CD1C: variants seen among roughly 807,000 people sequenced by gnomAD.
The protein encoded by CD1C is T-cell surface glycoprotein CD1c.
Under a neutral mutation model 39.4 loss-of-function variants are expected in CD1C, and 47 were observed. The observed-to-expected ratio is 1.19, with a 90% CI of 0.94 to 1.52. The LOEUF (loss-of-function observed/expected upper bound fraction) is 1.52. Ranked by LOEUF, CD1C falls within the 40% of genes most tolerant of loss-of-function variation. The probability of loss-of-function intolerance (pLI) is 0.00; values close to 1 mark genes in which losing one functional copy is unlikely to be tolerated. For missense variants in CD1C, 417 were observed against 395.2 expected (o/e 1.06, Z -0.47); for synonymous variants, 165 against 150.8 (o/e 1.09, Z -0.69).
rs1171564537 is a variant in CD1C, at chr1:158,293,491, A to T, written c.*15A>T. On this transcript the variant is annotated 3_prime_UTR_variant, in exon 6 of 6. Coordinates refer to ENST00000368170, the MANE Select transcript of CD1C (RefSeq NM_001765.3). ...ACATCCTGTGAGACTCTTCCCCCTGACTCCCCCATTGTGTTAAGAACCCAG... is the reference window on the plus strand; with the variant it reads ...ACATCCTGTGAGACTCTTCCCCCTGTCTCCCCCATTGTGTTAAGAACCCAG... 1 of 1,612,906 alleles carries T rather than the reference A, an allele frequency of 6.2e-7. No individual in the cohort carries two copies. The highest frequency in any genetic ancestry group is 1.7e-5 in the Admixed American group (1 of 59,810).
Position 158,292,817 on chromosome 1 carries a change from C to T in CD1C, c.832C>T (p.Leu278=). 1 of 1,614,172 alleles carries T rather than the reference C, an allele frequency of 6.2e-7. No individual in the cohort carries two copies. The highest frequency in any genetic ancestry group is 1.1e-5 in the South Asian group (1 of 91,084). The change falls in exon 4 of 6, where the codon CTG becomes TTG. Residue 278 remains leucine (L), a synonymous_variant. Transcript: ENST00000368170. ...GGTGGCATCTGAGGAGCCTGCTGGCCTGTCTTGTCGAGTGAGACACAGCAG... is the reference window on the plus strand; with the variant it reads ...GGTGGCATCTGAGGAGCCTGCTGGCTTGTCTTGTCGAGTGAGACACAGCAG... ...LEVASEEPAG[L]SCRVRHSSLG...
chr1:158,293,363 T>TC (rs773953735), intron 5 of CD1C, 61 bp downstream of exon 5: 147 of 1,593,526 alleles, frequency 9.2e-5, no homozygotes, highest in Non-Finnish European at 1.2e-4. Flanking sequence ...CATTTTTCAC[T>TC]CTCTTAGCTT....
Position 158,293,410 on chromosome 1 carries a change from A to T in CD1C, c.981-45A>T, listed in dbSNP as rs1157887600. On this transcript the variant is annotated intron_variant, in intron 5 of 5. Coordinates refer to ENST00000368170, the MANE Select transcript of CD1C (RefSeq NM_001765.3). ...CTACTCCACCTTATCCTCAGTTACCACCTCCAACTTATTCAGGGTTTCTCC... is the reference window on the plus strand; with the variant it reads ...CTACTCCACCTTATCCTCAGTTACCTCCTCCAACTTATTCAGGGTTTCTCC... The T allele has an allele frequency of 2.5e-6, 4 of 1,608,166 alleles. No homozygotes were observed. The Admixed American group carries it at 5.0e-5, about 20-fold the overall frequency.
At position 158,292,129 on chromosome 1, in the gene CD1C, G is replaced by A. The variant is rs1005150918; in HGVS notation, c.374G>A (p.Gly125Glu). Residue 125 changes from glycine to glutamate, a missense_variant, in exon 3 of 6, where the codon GGA becomes GAA. Transcript: ENST00000368170. ...QVKAGCELHS[G>E]KSPEGFFQVA... ...AAAGCGGGCTGTGAGCTGCATTCTG[G>A]AAAGAGCCCAGAAGGCTTCTTTCAG... 2.7e-5 allele frequency: 43 copies of A among 1,614,112 alleles called. No individual in the cohort carries two copies. The highest frequency in any genetic ancestry group is 3.6e-5 in the Non-Finnish European group (43 of 1,180,028).
chr1:158,293,381 T>C (rs1651122786), intron 5 of CD1C, 74 bp from the exon 6 acceptor site: 1 of 1,594,506 alleles, frequency 6.3e-7, no homozygotes, highest in Non-Finnish European at 8.6e-7. Flanking sequence ...CTTTTCTCTA[T>C]TGACTACTCC....
chr1:158,292,205 G>A lies in CD1C; in HGVS notation c.450G>A (p.Val150=). The change falls in exon 3 of 6, where the codon GTG becomes GTA. Residue 150 remains valine, a synonymous_variant. Transcript: ENST00000368170. Reference sequence around the variant, plus strand: ...TGAGTTTCCAGAATACAACATGGGTGCCATCTCCAGGCTGTGGAAGTTTGG... The same window carrying A: ...TGAGTTTCCAGAATACAACATGGGTACCATCTCCAGGCTGTGGAAGTTTGG... ...DLLSFQNTTW[V]PSPGCGSLAQ... is the part of the protein sequence containing the mutation. 2 of 1,614,152 alleles carry A rather than the reference G, an allele frequency of 1.2e-6. No individual in the cohort carries two copies. Among genetic ancestry groups the A allele is most frequent in the Non-Finnish European group, 1.7e-6 (2 of 1,180,032 alleles).
chr1:158,292,768 A>G lies in CD1C; in HGVS notation c.783A>G (p.Thr261=). 6.2e-7 allele frequency: 1 copy of G among 1,614,174 alleles called. No homozygotes were observed. Among genetic ancestry groups the G allele is most frequent in the Non-Finnish European group, 8.5e-7 (1 of 1,180,010 alleles). ...ATATTCTTCCTAATGCTGATGGGAC[A>G]TGGTATCTTCAGGTGATCCTGGAGG... ...HGDILPNADG[T]WYLQVILEVA... is the part of the protein sequence containing the mutation. Residue 261 remains threonine, a synonymous_variant, in exon 4 of 6, where the codon ACA becomes ACG. Transcript: ENST00000368170.
rs1397366935 is a variant in CD1C, at chr1:158,292,199, A to G, written c.444A>G (p.Thr148=). ...GLDLLSFQNT[T]WVPSPGCGSL... The stretch of plus-strand genomic sequence containing the variant: ...ATTTACTGAGTTTCCAGAATACAAC[A>G]TGGGTGCCATCTCCAGGCTGTGGAA... The change falls in exon 3 of 6, where the codon ACA becomes ACG. Residue 148 remains threonine (T), a synonymous_variant. Coordinates refer to ENST00000368170, the MANE Select transcript of CD1C (RefSeq NM_001765.3). 1.9e-6 allele frequency: 3 copies of G among 1,614,198 alleles called. No individual in the cohort carries two copies. In the South Asian group the frequency reaches 3.3e-5, roughly 18 times the overall value.
Position 158,292,048 on chromosome 1 carries a change from G to T in CD1C, c.329-36G>T, listed in dbSNP as rs956911228. On this transcript the variant is annotated intron_variant, in intron 2 of 5. Transcript: ENST00000368170. ...TTTATACTGTTGTTTTCACTTTTTT[G>T]TTTGAACTCTTTTTCTCATTCCTCC... 8.3e-6 allele frequency: 13 copies of T among 1,572,644 alleles called. No individual in the cohort carries two copies. The Admixed American group carries it at 1.4e-4, about 17-fold the overall frequency.
At chr1:158,290,246 T>C in intron 1 of CD1C, 121 bp downstream of exon 1, 1 of 809,718 alleles carries the variant, frequency 1.2e-6, no homozygotes, top group Non-Finnish European at 2.0e-6. Context: ...TGTCTCCAGG[T>C]CCAGTTTACT....
At chr1:158,293,014 A>G (rs539032566) in intron 4 of CD1C, 140 bp downstream of exon 4, 1 of 909,696 alleles carries the variant, frequency 1.1e-6, no homozygotes, top group East Asian at 2.6e-5. Context: ...GTGGAGTAAG[A>G]CCTAAGGGAT....
Position 158,291,396 on chromosome 1 carries a change from G to C in CD1C, c.324G>C (p.Ser108=), listed in dbSNP as rs116022586. 1 of 1,612,974 alleles carries C rather than the reference G, an allele frequency of 6.2e-7. No individual in the cohort carries two copies. The highest frequency in any genetic ancestry group is 2.2e-5 in the East Asian group (1 of 44,866). Residue 108 remains serine, a synonymous_variant, in exon 2 of 6, where the codon TCG becomes TCC. Coordinates refer to ENST00000368170, the MANE Select transcript of CD1C (RefSeq NM_001765.3). ...EIQDHASQDY[S]KYPFEVQVKA... is the part of the protein sequence containing the mutation. ...AAGACCATGCAAGTCAAGATTACTC[G>C]AAATGTAAGTTCAATCATCTAAATT...
intron 4 of CD1C, 24 bp from the exon 5 acceptor site, chr1:158,293,188 C>T: frequency 1.3e-6 from 2 of 1,555,042 alleles, no homozygotes; most frequent in Non-Finnish European, 1.8e-6. Flanking sequence ...AAATGGCATC[C>T]ATGTATCTTT....
intron 3 of CD1C, 26 bp downstream of exon 3, chr1:158,292,391 A>AAGAGGGG: frequency 3.8e-6 from 6 of 1,597,578 alleles, no homozygotes; most frequent in Non-Finnish European, 5.1e-6. Flanking sequence ...CCCTTCCTCT[A>AAGAGGGG]AGATTTTTCT....
chr1:158,291,109 C>A (rs1465042775), intron 1 of CD1C, 25 bp from the exon 2 acceptor site: 4 of 1,584,846 alleles, frequency 2.5e-6, no homozygotes, highest in Non-Finnish European at 2.6e-6. Flanking sequence ...TTTCCTTACA[C>A]TACTTGCCCT....
In CD1C at chr1:158,291,137, C is replaced by G. The variant is rs139113876; in HGVS notation, c.65C>G (p.Ser22Cys). 1 of 1,612,064 alleles carries G rather than the reference C, an allele frequency of 6.2e-7. No homozygotes were observed. The highest frequency in any genetic ancestry group is 1.7e-5 in the Admixed American group (1 of 59,914). Residue 22 changes from serine to cysteine, a missense_variant, in exon 2 of 6, where the codon TCC (serine) becomes TGC (cysteine). Coordinates refer to ENST00000368170, the MANE Select transcript of CD1C (RefSeq NM_001765.3). ...CTTGCCCTTCTTCCACCAAAAGCAT[C>G]CCAGGAACACGTCTCCTTCCATGTC... ...LLPGGDNADA[S>C]QEHVSFHVIQ...
At chr1:158,292,429 C>G (rs1332003296) in intron 3 of CD1C, 64 bp downstream of exon 3, 17 of 1,537,464 alleles carry the variant, frequency 1.1e-5, no homozygotes, top group Non-Finnish European at 8.8e-7. Flanking sequence ...TCTGTTCCCA[C>G]CCTTCAAACT....
At chr1:158,293,325 T>C (rs1651121128) in intron 5 of CD1C, 23 bp downstream of exon 5, 1 of 1,600,828 alleles carries the variant, frequency 6.2e-7, no homozygotes, top group Non-Finnish European at 8.6e-7. Flanking sequence ...TATTTCCTCC[T>C]CTCCTCCCAG....
Position 158,293,308 on chromosome 1 carries a change from T to A in CD1C, c.980+6T>A, listed in dbSNP as rs775953983. On this transcript the variant is annotated splice_donor_region_variant and intron_variant, in intron 5 of 5. Transcript: ENST00000368170. The stretch of plus-strand genomic sequence containing the variant: ...TTATGGTTTAAGAAGCACTGGTGAG[T>A]TTTTTGTATTTCCTCCTCTCCTCCC... The A allele has an allele frequency of 2.1e-5, 34 of 1,610,314 alleles. No homozygotes were observed. Among genetic ancestry groups the A allele is most frequent in the Non-Finnish European group, 2.8e-5 (33 of 1,177,522 alleles).
Sources: gnomAD v4.1 joint callset for allele counts on GRCh38, gnomAD v4.1.1 for gene constraint, MANE v1.5 for transcripts, NCBI Gene and HGNC (gene_info 2026-07-23, HGNC 2026-07-21) for gene names.